The following CLN6 variants were observed in gnomAD, a reference collection of about 807,000 sequenced individuals.
The protein encoded by CLN6 is CLN6 transmembrane ER protein, also known as ceroid-lipofuscinosis neuronal protein 6.
In CLN6, 22 loss-of-function variants were observed where a neutral mutation model predicts 33.3. The observed-to-expected ratio is 0.66, with a 90% CI of 0.47 to 0.94. The LOEUF is 0.94. Among genes scored for constraint, CLN6 ranks in the 40% least tolerant of loss-of-function variants. The pLI is 0.00. For missense variants in CLN6, 387 were observed against 417.1 expected (o/e 0.93, Z 0.63); for synonymous variants, 201 against 174.6 (o/e 1.15, Z -1.19).
In CLN6 at chr15:68,246,081, A is replaced by C. The variant is rs1892326880; in HGVS notation, c.179+10609T>G. 6.6e-6 allele frequency among the ~76,000 whole-genome samples: 1 copy of C among 152,174 alleles called. No homozygotes were observed. Among genetic ancestry groups the C allele is most frequent in the Non-Finnish European group, 1.5e-5 (1 of 68,042 alleles). ...CAAGTATATTAAGTAAATATGAATCAACCTAAAGGCAGAGATAGACTGTAA... is the reference window on the plus strand; with the variant it reads ...CAAGTATATTAAGTAAATATGAATCCACCTAAAGGCAGAGATAGACTGTAA... On this transcript the variant is annotated intron_variant, in intron 1 of 6. Coordinates refer to the CLN6 transcript ENST00000538696. The surrounding 1 kb of genome is among the most constrained non-coding windows in gnomAD (Gnocchi z 4.5).
intron 1 of CLN6, among the ~76,000 whole-genome samples, chr15:68,249,169 T>G (rs1289853971): frequency 1.3e-5 from 2 of 152,134 alleles, no homozygotes; most frequent in Non-Finnish European, 2.9e-5. Flanking sequence ...AAAGAAGGAA[T>G]AACAGAGGCT....
At chr15:68,212,346 A>C (rs2093208570) in intron 3 of CLN6, 1 of 171,610 alleles carries the variant, frequency 5.8e-6, no homozygotes, top group Non-Finnish European at 1.3e-5. Context: ...CTGAAAACAC[A>C]CCGGAGTTCT....
chr15:68,242,487 C>A lies in CLN6; in HGVS notation c.179+14203G>T, dbSNP rs1892288398. Among the ~76,000 whole-genome samples the A allele has an allele frequency of 6.6e-6, 1 of 151,828 alleles. No homozygotes were observed. The highest frequency in any genetic ancestry group is 1.5e-5 in the Non-Finnish European group (1 of 67,984). On this transcript the variant is annotated intron_variant, in intron 1 of 6. Coordinates refer to the CLN6 transcript ENST00000538696. The surrounding 1 kb of genome is among the most constrained non-coding windows in gnomAD (Gnocchi z 5.0). The stretch of plus-strand genomic sequence containing the variant: ...TATTGGTGTTCAAGAGGGAGTTGAG[C>A]AAGAACAAGGGGTACAGAACTTACT...
intron 1 of CLN6, among the ~76,000 whole-genome samples, chr15:68,251,675 A>AAAAC (rs60310067): frequency 0.53 from 79,530 of 150,332 alleles, 21,552 homozygotes; most frequent in African/African-American, 0.58. Flanking sequence ...ACACTGTCTC[A>AAAAC]AAACAAACAA....
chr15:68,208,429 A>G lies in CLN6; in HGVS notation c.666-19T>C. On this transcript the variant is annotated intron_variant, in intron 6 of 6. Transcript: ENST00000249806. The surrounding 1 kb of genome is among the most constrained non-coding windows in gnomAD (Gnocchi z 5.8). ...CAGGTACCTGGAAAGGCCAGGGGTG[A>G]GTGAGGCAGCTGCCGTGGCAACCCC... 1 of 1,611,440 alleles carries G rather than the reference A, an allele frequency of 6.2e-7. No homozygotes were observed. Among genetic ancestry groups the G allele is most frequent in the Non-Finnish European group, 8.5e-7 (1 of 1,179,808 alleles).
At chr15:68,250,624 CAAAAAAA>C (rs57895966) in intron 1 of CLN6, among the ~76,000 whole-genome samples, 14 of 61,656 alleles carry the variant, frequency 2.3e-4, no homozygotes, top group African/African-American at 4.9e-4. Flanking sequence ...GACTCTGTCT[CAAAAAAA>C]AAAAAAAAAA....
At chr15:68,229,748 G>C, upstream of CLN6, 1 of 361,652 alleles carries the variant, frequency 2.8e-6, no homozygotes, top group Non-Finnish European at 4.5e-6. Context: ...CGGACCCGGG[G>C]CGGGGCGGAG....
intron 3 of CLN6, chr15:68,213,331 C>T (rs571266396): frequency 2.0e-5 from 3 of 151,752 alleles, no homozygotes; most frequent in East Asian, 3.9e-4. Context: ...CTCTACCTCC[C>T]GGGTTCAAGT....
At chr15:68,234,242 G>A (rs1249042792), upstream of CLN6, among the ~76,000 whole-genome samples, 6 of 152,106 alleles carry the variant, frequency 3.9e-5, no homozygotes, top group Admixed American at 6.5e-5. The surrounding 1 kb of genome is among the most constrained non-coding windows in gnomAD (Gnocchi z 4.1). Flanking sequence ...AGCAGCCGAC[G>A]GCCTCAGTCA....
rs1484212121 is a variant in CLN6 at position 68,227,798 on chromosome 15, G to A, written c.83+1704C>T. Among the ~76,000 whole-genome samples the A allele has an allele frequency of 1.3e-5, 2 of 152,218 alleles. No individual in the cohort carries two copies. The highest frequency in any genetic ancestry group is 2.9e-5 in the Non-Finnish European group (2 of 68,040). ...TCTGGCAGCTCATTGTCAAGACTGA[G>A]TAAGATGCTAGACATGGGAGCCCCA... On this transcript the variant is annotated intron_variant, in intron 1 of 6. Transcript: ENST00000249806. The surrounding 1 kb of genome is among the most constrained non-coding windows in gnomAD (Gnocchi z 4.1).
upstream of CLN6, among the ~76,000 whole-genome samples, chr15:68,230,882 A>G (rs1595827674): frequency 6.7e-6 from 1 of 149,720 alleles, no homozygotes; most frequent in African/African-American, 2.5e-5. The surrounding 1 kb of genome is among the most constrained non-coding windows in gnomAD (Gnocchi z 4.0). Context: ...TCTCCCCACC[A>G]CCCCCGTGCT....
intron 1 of CLN6, among the ~76,000 whole-genome samples, chr15:68,251,328 A>T (rs1413139682): frequency 2.0e-5 from 3 of 152,202 alleles, no homozygotes; most frequent in Non-Finnish European, 4.4e-5. Context: ...AAAAGCCTAT[A>T]ATCTTCATCA....
At chr15:68,218,792 T>G in intron 1 of CLN6, 142 bp from the exon 2 acceptor site, 1 of 660,708 alleles carries the variant, frequency 1.5e-6, no homozygotes, top group Non-Finnish European at 2.8e-6. Flanking sequence ...AGGGTTTTGC[T>G]GGATATACTG....
intron 2 of CLN6, chr15:68,215,739 A>G (rs1354302703): frequency 3.3e-5 from 5 of 152,226 alleles, no homozygotes; most frequent in Non-Finnish European, 5.9e-5. Context: ...ATTACATGCC[A>G]CCATGCCCAC....
At chr15:68,221,722 G>A (rs1247183972) in intron 1 of CLN6, among the ~76,000 whole-genome samples, 9 of 149,928 alleles carry the variant, frequency 6.0e-5, no homozygotes, top group Non-Finnish European at 8.9e-5. Context: ...CCCTCTGCCC[G>A]GCCACCCCAT....
chr15:68,254,023 G>A (rs561658894), intron 1 of CLN6, among the ~76,000 whole-genome samples: 18 of 152,038 alleles, frequency 1.2e-4, no homozygotes, highest in African/African-American at 4.3e-4. Context: ...GACTACAGGC[G>A]CCCACCACCG....
chr15:68,240,065 TA>T (rs1455012440), intron 1 of CLN6, among the ~76,000 whole-genome samples: 1 of 152,118 alleles, frequency 6.6e-6, no homozygotes, highest in Non-Finnish European at 1.5e-5. Context: ...GAATCAATGA[TA>T]AAAATTACAC....
chr15:68,207,884 A>T lies in CLN6; in HGVS notation c.*256T>A, dbSNP rs1171613589. 3.7e-6 allele frequency: 2 copies of T among 547,642 alleles called. No individual in the cohort carries two copies. Among genetic ancestry groups the T allele is most frequent in the African/African-American group, 1.9e-5 (1 of 52,716 alleles). 33.9% of individuals were successfully genotyped at this position (547,642 alleles called of 1,614,324 possible). ...CGGATCCTGGCCCAGAAACACTCTAAAACAGAATCCGATCCTGAGATGATC... is the reference window on the plus strand; with the variant it reads ...CGGATCCTGGCCCAGAAACACTCTATAACAGAATCCGATCCTGAGATGATC... On this transcript the variant is annotated 3_prime_UTR_variant, in exon 7 of 7. Coordinates refer to ENST00000249806, the MANE Select transcript of CLN6 (RefSeq NM_017882.3).
chr15:68,229,431 G>C lies in CLN6; in HGVS notation c.83+71C>G. On this transcript the variant is annotated intron_variant, in intron 1 of 6. Coordinates refer to ENST00000249806, the MANE Select transcript of CLN6 (RefSeq NM_017882.3). ...GTTCCCGCCCGGCAGCCCTAGGAGC[G>C]TCACGTGGCGGGTCCCGAGGCCCCA... is the stretch of plus-strand genomic sequence containing the variant. 4 of 1,234,960 alleles carry C rather than the reference G, an allele frequency of 3.2e-6. No individual in the cohort carries two copies. The South Asian group carries it at 5.7e-5, about 18-fold the overall frequency. The allele number at this position is 1,234,960 out of a possible 1,614,324, so 76.5% of individuals were successfully genotyped here.
Sources: allele counts gnomAD v4.1 joint callset (sites outside exome capture counted in the v4.1 genomes callset), GRCh38; gene constraint gnomAD v4.1.1; non-coding constraint Gnocchi (gnomAD v3.1); transcripts MANE v1.5; gene names NCBI Gene and HGNC (gene_info 2026-07-23, HGNC 2026-07-21).